Variants in MCM9 observed in about 807,000 individuals in gnomAD.
MCM9 encodes minichromosome maintenance 9 homologous recombination repair factor, also known as DNA helicase MCM9.
MCM9 carries 55 observed loss-of-function variants against 72.8 expected under a neutral mutation model. That is an observed-to-expected ratio of 0.76 (90% CI 0.61 to 0.95). The LOEUF (loss-of-function observed/expected upper bound fraction) is 0.95, where lower values mean the gene tolerates loss of function less well. MCM9 is among the 40% of genes least tolerant of loss of function. The pLI, the probability that MCM9 is intolerant of heterozygous loss-of-function variation, is 0.00. For synonymous variants in MCM9, 480 were observed against 503.4 expected (o/e 0.95, Z 0.62); for missense variants, 1,279 against 1,377.0 (o/e 0.93, Z 1.13).
At chr6:118,881,157 C>T (rs1043798872) in intron 8 of MCM9, among the ~76,000 whole-genome samples, 21 of 152,236 alleles carry the variant, frequency 1.4e-4, no homozygotes, top group Non-Finnish European at 1.6e-4. Flanking sequence ...AGCAAAACCC[C>T]GGATGAACTA....
intron 9 of MCM9, among the ~76,000 whole-genome samples, chr6:118,835,906 G>C (rs896223467): frequency 6.6e-6 from 1 of 152,186 alleles, no homozygotes; most frequent in East Asian, 1.9e-4. Context: ...TGGTGAGAGA[G>C]GGCATCCTTG....
At chr6:118,816,427 C>A in intron 13 of MCM9, 133 bp from the exon 14 acceptor site, 4 of 658,910 alleles carry the variant, frequency 6.1e-6, no homozygotes, top group Non-Finnish European at 9.3e-6. Context: ...ATATCAAATA[C>A]AACCTCCTAG....
chr6:118,822,693 G>T (rs1271560563), intron 13 of MCM9, among the ~76,000 whole-genome samples: 5 of 152,310 alleles, frequency 3.3e-5, no homozygotes, highest in African/African-American at 1.2e-4. Flanking sequence ...CTGGCAGGCA[G>T]GAAAGTTTTA....
At chr6:118,868,603 A>C (rs1053674413) in intron 8 of MCM9, among the ~76,000 whole-genome samples, 4 of 152,232 alleles carry the variant, frequency 2.6e-5, no homozygotes, top group Non-Finnish European at 4.4e-5. Flanking sequence ...AAAGCGGGCA[A>C]AGGATATGAA....
rs1192194583 is a variant in MCM9 at position 118,931,510 on chromosome 6, C to T, written c.214G>A (p.Ala72Thr). Residue 72 changes from alanine (A) to threonine (T), a missense_variant, in exon 3 of 14, where the codon GCA (alanine) becomes ACA (threonine). By Grantham distance (58) the Ala-to-Thr change is moderately conservative. Coordinates refer to ENST00000619706, the MANE Select transcript of MCM9 (RefSeq NM_017696.3). Reference protein sequence around the residue: ...PSEVLTIFDSALRRSALTILQ... With the variant: ...PSEVLTIFDSTLRRSALTILQ... ...ATTGTCAAGGCTGACCTTCGCAGTG[C>T]ACTATCAAAAATTGTAAGCACTTCA... is the stretch of plus-strand genomic sequence containing the variant. 5.0e-6 allele frequency: 8 copies of T among 1,614,020 alleles called. No homozygotes were observed. In the Admixed American group the frequency reaches 1.3e-4, roughly 27 times the overall value.
intron 8 of MCM9, among the ~76,000 whole-genome samples, chr6:118,896,002 C>A (rs1005621013): frequency 6.7e-6 from 1 of 150,224 alleles, no homozygotes; most frequent in African/African-American, 2.4e-5. Context: ...GCCCTATCTC[C>A]TTTCGGTAAT....
intron 7 of MCM9, chr6:118,912,424 T>C (rs1421911329): frequency 2.0e-5 from 3 of 152,212 alleles, no homozygotes; most frequent in African/African-American, 7.2e-5. Context: ...GTAACATAAA[T>C]AACGTGCATA....
chr6:118,894,936 G>A (rs918600709), intron 8 of MCM9, among the ~76,000 whole-genome samples: 2 of 152,174 alleles, frequency 1.3e-5, no homozygotes, highest in South Asian at 2.1e-4. Flanking sequence ...TCGCGCCGGC[G>A]AGTTCGGAGC....
At chr6:118,866,321 C>A (rs1352546461) in intron 8 of MCM9, among the ~76,000 whole-genome samples, 1 of 152,042 alleles carries the variant, frequency 6.6e-6, no homozygotes, top group East Asian at 1.9e-4. Flanking sequence ...AATGAAGAAA[C>A]AAGGAAATAC....
intron 4 of MCM9, among the ~76,000 whole-genome samples, chr6:118,923,110 A>G (rs1037879764): frequency 2.6e-5 from 4 of 151,906 alleles, no homozygotes; most frequent in Admixed American, 2.6e-4. Context: ...ACAGTGAACT[A>G]GCCTTGAACT....
At chr6:118,910,676 C>T (rs898624458) in intron 8 of MCM9, 59 of 985,194 alleles carry the variant, frequency 6.0e-5, no homozygotes, top group Admixed American at 1.2e-4. Context: ...GGATTTAAAA[C>T]GCATGGGAAA....
chr6:118,933,210 T>A (rs1782579767), intron 1 of MCM9, among the ~76,000 whole-genome samples: 1 of 151,590 alleles, frequency 6.6e-6, no homozygotes, highest in Non-Finnish European at 1.5e-5. Flanking sequence ...TAAGAAACAC[T>A]TATTTGGGGC....
intron 8 of MCM9, among the ~76,000 whole-genome samples, chr6:118,895,228 G>A (rs1454875416): frequency 2.0e-5 from 3 of 151,900 alleles, no homozygotes; most frequent in Non-Finnish European, 2.9e-5. Context: ...GCTCCCCGGG[G>A]GCCGTGGGTC....
chr6:118,867,875 T>TTTTC (rs1212071175), intron 8 of MCM9, among the ~76,000 whole-genome samples: 3 of 64,074 alleles, frequency 4.7e-5, no homozygotes, highest in Non-Finnish European at 8.1e-5. Context: ...TCTTTTTTCT[T>TTTTC]TTTCTTTTTC....
chr6:118,897,967 G>A (rs1434986009), intron 8 of MCM9, among the ~76,000 whole-genome samples: 2 of 152,170 alleles, frequency 1.3e-5, no homozygotes, highest in Non-Finnish European at 2.9e-5. Context: ...TTCTTGTTAA[G>A]GCTAGATTCT....
rs773090046 is a variant in MCM9 at position 118,931,692 on chromosome 6, T to C, written c.32A>G (p.Gln11Arg). 8 of 1,613,732 alleles carry C rather than the reference T, an allele frequency of 5.0e-6. No individual in the cohort carries two copies. The East Asian group carries it at 1.8e-4, about 36-fold the overall frequency. MNSDQVTLVGQVFESYVSEYH... is the reference protein window; with the variant it reads MNSDQVTLVGRVFESYVSEYH... ...TTCCGAAACATATGACTCAAACACT[T>C]GACCAACCAGTGTAACTTGATCGCT... Residue 11 changes from glutamine (Q) to arginine (R), a missense_variant, in exon 3 of 14, where the codon CAA becomes CGA. Transcript: ENST00000619706.
intron 1 of MCM9, among the ~76,000 whole-genome samples, chr6:118,933,274 T>C (rs550252729): frequency 1.3e-3 from 197 of 151,762 alleles, no homozygotes; most frequent in South Asian, 7.1e-3. Flanking sequence ...CCGAGGCAGG[T>C]GGATCACGAG....
chr6:118,859,476 C>T (rs1583456102), intron 8 of MCM9, among the ~76,000 whole-genome samples: 1 of 152,258 alleles, frequency 6.6e-6, no homozygotes, highest in African/African-American at 2.4e-5. Context: ...CAAATTACTG[C>T]CCCAAAACTG....
chr6:118,865,204 C>T (rs1310594585), intron 8 of MCM9, among the ~76,000 whole-genome samples: 1 of 151,898 alleles, frequency 6.6e-6, no homozygotes, highest in African/African-American at 2.4e-5. Context: ...AGTCTATCTG[C>T]ACCACAGAAA....
Sources: gnomAD v4.1 joint callset for allele counts (sites outside exome capture counted in the v4.1 genomes callset) on GRCh38, gnomAD v4.1.1 for gene constraint, MANE v1.5 for transcripts, NCBI Gene and HGNC (gene_info 2026-07-23, HGNC 2026-07-21) for gene names.